The following STXBP6 variants were observed in gnomAD, a reference collection of about 807,000 sequenced individuals.
STXBP6 encodes the protein syntaxin binding protein 6.
In STXBP6, 21 loss-of-function variants were observed where a neutral mutation model predicts 26.9. That is an observed-to-expected ratio of 0.78 (90% confidence interval 0.55 to 1.12). The LOEUF is 1.12. Ranked by LOEUF, STXBP6 falls within the 50% of genes most tolerant of loss-of-function variation. The pLI is 0.00. For missense variants in STXBP6, 232 were observed against 257.9 expected (o/e 0.90, Z 0.69); for synonymous variants, 97 against 92.6 (o/e 1.05, Z -0.27).
chr14:24,860,086 C>T (rs2069479901), intron 2 of STXBP6, among the ~76,000 whole-genome samples: 1 of 152,158 alleles, frequency 6.6e-6, no homozygotes, highest in Non-Finnish European at 1.5e-5. Context: ...ATATCACTGC[C>T]ATCACTACTC....
intron 2 of STXBP6, among the ~76,000 whole-genome samples, chr14:24,899,168 A>ATATATAATATTGT (rs1193090789): frequency 6.6e-6 from 1 of 152,222 alleles, no homozygotes; most frequent in Non-Finnish European, 1.5e-5. Flanking sequence ...CGAAACCAAT[A>ATATATAATATTGT]TATATAATAA....
intron 1 of STXBP6, among the ~76,000 whole-genome samples, chr14:25,048,659 A>G (rs1397007907): frequency 6.6e-6 from 1 of 152,224 alleles, no homozygotes; most frequent in Admixed American, 6.5e-5. Context: ...GCATATTTCT[A>G]GCCTGCATAA....
chr14:24,901,087 A>G (rs560087170), intron 2 of STXBP6, among the ~76,000 whole-genome samples: 23 of 152,328 alleles, frequency 1.5e-4, no homozygotes, highest in Non-Finnish European at 2.8e-4. Flanking sequence ...GGGAATTTCT[A>G]GTCTCATTTA....
At chr14:24,932,601 T>C (rs901455366) in intron 2 of STXBP6, among the ~76,000 whole-genome samples, 2 of 151,980 alleles carry the variant, frequency 1.3e-5, no homozygotes, top group African/African-American at 4.8e-5. Flanking sequence ...GAGATGAGAA[T>C]AGGCATGGGA....
intron 1 of STXBP6, among the ~76,000 whole-genome samples, chr14:24,980,254 G>T (rs1240754449): frequency 6.6e-6 from 1 of 152,172 alleles, no homozygotes. Flanking sequence ...CATATATTAA[G>T]ATCAAGGAGA....
At chr14:24,919,562 C>T (rs1315417745) in intron 2 of STXBP6, among the ~76,000 whole-genome samples, 1 of 150,430 alleles carries the variant, frequency 6.6e-6, no homozygotes, top group African/African-American at 2.5e-5. Flanking sequence ...GCCCTCAAGT[C>T]ACTTAGTACG....
chr14:24,977,203 T>TG (rs1260258754), intron 1 of STXBP6, among the ~76,000 whole-genome samples: 1 of 152,068 alleles, frequency 6.6e-6, no homozygotes, highest in East Asian at 1.9e-4. Context: ...CCAGCTGTCA[T>TG]GGCTTTTGCT....
rs900389966 is a variant in STXBP6 at position 24,812,692 on chromosome 14, C to T, written c.*17G>A. ...CTTCAGTTTCTCTTAAGAAGAGTCA[C>T]CAGGATAGGCAGTTTCTCAACATTT... On this transcript the variant is annotated 3_prime_UTR_variant, in exon 6 of 6. Transcript: ENST00000323944. The T allele has an allele frequency of 6.2e-7, 1 of 1,613,320 alleles. No individual in the cohort carries two copies. Among genetic ancestry groups the T allele is most frequent in the Non-Finnish European group, 8.5e-7 (1 of 1,179,384 alleles).
chr14:24,908,088 T>C (rs2071446185), intron 2 of STXBP6, among the ~76,000 whole-genome samples: 1 of 152,176 alleles, frequency 6.6e-6, no homozygotes, highest in Non-Finnish European at 1.5e-5. Context: ...GCATCAATGA[T>C]TTGCTACCTC....
chr14:24,898,463 G>A (rs2071082090), intron 2 of STXBP6, among the ~76,000 whole-genome samples: 1 of 152,154 alleles, frequency 6.6e-6, no homozygotes, highest in South Asian at 2.1e-4. Flanking sequence ...TGGATCACGA[G>A]GTCAGGAGTT....
intron 1 of STXBP6, among the ~76,000 whole-genome samples, chr14:25,007,531 T>A (rs2140360945): frequency 6.6e-6 from 1 of 152,142 alleles, no homozygotes; most frequent in East Asian, 1.9e-4. Flanking sequence ...CTTCCCTGTT[T>A]TAGTTTTCCC....
chr14:24,976,964 T>A (rs1314283351), intron 1 of STXBP6, among the ~76,000 whole-genome samples: 2 of 144,948 alleles, frequency 1.4e-5, no homozygotes, highest in Non-Finnish European at 3.0e-5. Context: ...TCCGGTTCAA[T>A]CGATTCTACT....
chr14:25,036,817 C>A (rs1449983201), intron 1 of STXBP6, among the ~76,000 whole-genome samples: 1 of 132,506 alleles, frequency 7.5e-6, no homozygotes, highest in African/African-American at 3.0e-5. Flanking sequence ...GATGGCGCCA[C>A]AGCACTCCAG....
At chr14:24,933,840 C>A (rs116562087) in intron 2 of STXBP6, among the ~76,000 whole-genome samples, 2,801 of 151,966 alleles carry the variant, frequency 0.018, 88 homozygotes, top group African/African-American at 0.063. Flanking sequence ...AAAAAAGAAA[C>A]CTAAAATATA....
intron 2 of STXBP6, among the ~76,000 whole-genome samples, chr14:24,882,079 G>GAGCA (rs1255358738): frequency 2.6e-5 from 4 of 151,924 alleles, no homozygotes; most frequent in African/African-American, 9.7e-5. Flanking sequence ...CTGGGTGACT[G>GAGCA]AGCATAAGAG....
intron 1 of STXBP6, among the ~76,000 whole-genome samples, chr14:25,000,636 C>T (rs1346413872): frequency 6.7e-6 from 1 of 150,366 alleles, no homozygotes; most frequent in Non-Finnish European, 1.5e-5. Context: ...CTAACTTCCC[C>T]TCTGCATTTC....
chr14:24,829,482 C>A (rs555051059), intron 4 of STXBP6, among the ~76,000 whole-genome samples: 1 of 152,298 alleles, frequency 6.6e-6, no homozygotes, highest in African/African-American at 2.4e-5. Flanking sequence ...TGTTTCCTTT[C>A]CATGCATATA....
At chr14:24,907,933 C>T (rs2071440566) in intron 2 of STXBP6, among the ~76,000 whole-genome samples, 1 of 152,084 alleles carries the variant, frequency 6.6e-6, no homozygotes, top group Non-Finnish European at 1.5e-5. Flanking sequence ...TCCAGAGCAT[C>T]ACTTCAAACA....
intron 2 of STXBP6, among the ~76,000 whole-genome samples, chr14:24,906,460 G>A (rs2071390360): frequency 6.6e-6 from 1 of 152,170 alleles, no homozygotes; most frequent in Non-Finnish European, 1.5e-5. Flanking sequence ...GATCATCTGT[G>A]TGCAGAAAAT....
Sources: gnomAD v4.1 joint callset for allele counts (sites outside exome capture counted in the v4.1 genomes callset) on GRCh38, gnomAD v4.1.1 for gene constraint, MANE v1.5 for transcripts, NCBI Gene and HGNC (gene_info 2026-07-23, HGNC 2026-07-21) for gene names.